Variants in PPP4R2 observed in about 807,000 individuals in gnomAD.
PPP4R2 encodes the protein serine/threonine-protein phosphatase 4 regulatory subunit 2.
Under a neutral mutation model 47.2 loss-of-function variants are expected in PPP4R2, and 13 were observed. The observed-to-expected ratio is 0.28, with a 90% confidence interval of 0.18 to 0.44. PPP4R2 has a LOEUF of 0.44. PPP4R2 is among the 20% of genes least tolerant of loss of function. The pLI is 1.00. For synonymous variants in PPP4R2, 151 were observed against 163.3 expected (o/e 0.92, Z 0.57); for missense variants, 421 against 491.2 (o/e 0.86, Z 1.35).
chr3:73,050,500 G>A (rs1702588898), intron 3 of PPP4R2, among the ~76,000 whole-genome samples: 1 of 151,816 alleles, frequency 6.6e-6, no homozygotes, highest in Admixed American at 6.6e-5. Context: ...GTAACATTTT[G>A]TTGGTTTTCC....
Position 73,066,348 on chromosome 3 carries a change from C to T in PPP4R2, c.*626C>T, listed in dbSNP as rs1702997421. ...TTTTTCTATTGGTAATGATTGAGTT[C>T]ACCTCTTTCAGAAGACATTTTCTTT... is the stretch of plus-strand genomic sequence containing the variant. On this transcript the variant is annotated 3_prime_UTR_variant, in exon 9 of 9. Transcript: ENST00000356692. 6.6e-6 allele frequency: 1 copy of T among 150,720 alleles called. No individual in the cohort carries two copies. Among genetic ancestry groups the T allele is most frequent in the South Asian group, 2.1e-4 (1 of 4,794 alleles). The allele number at this position is 150,720 out of a possible 1,614,324, so 9.3% of individuals were successfully genotyped here. A position where few individuals can be genotyped will look rare whatever the true frequency, so the allele number is the denominator to read the frequency against.
intron 2 of PPP4R2, among the ~76,000 whole-genome samples, chr3:73,041,017 A>G (rs369739366): frequency 6.6e-6 from 1 of 151,710 alleles, no homozygotes; most frequent in Non-Finnish European, 1.5e-5. Flanking sequence ...TTATGGATAC[A>G]TACTTCTATG....
At chr3:73,002,523 A>G (rs4677222) in intron 2 of PPP4R2, among the ~76,000 whole-genome samples, 80,072 of 151,588 alleles carry the variant, frequency 0.53, 21,545 homozygotes, top group African/African-American at 0.62. Context: ...AAGATTACAA[A>G]GCATGAGCCA....
Position 73,017,159 on chromosome 3 carries a change from A to G in PPP4R2, c.116+19001A>G, listed in dbSNP as rs146783002. ...TGGTCCCAAGCTCTGGGCACAAGCT[A>G]TTTACCACCTCAGCCTCACAAAGTG... On this transcript the variant is annotated intron_variant, in intron 2 of 8. Coordinates refer to ENST00000356692, the MANE Select transcript of PPP4R2 (RefSeq NM_174907.4). Among the ~76,000 whole-genome samples the G allele has an allele frequency of 5.9e-4, 89 of 152,078 alleles. 2 individuals carry two copies. The East Asian group carries it at 0.017, about 29-fold the overall frequency.
At chr3:73,021,889 C>CGTAT (rs1701967743) in intron 2 of PPP4R2, among the ~76,000 whole-genome samples, 1 of 38,744 alleles carries the variant, frequency 2.6e-5, no homozygotes, top group South Asian at 1.3e-3. Flanking sequence ...TGTATATATG[C>CGTAT]ATATATATAT....
At chr3:73,028,938 C>G (rs1240553470) in intron 2 of PPP4R2, among the ~76,000 whole-genome samples, 1 of 152,052 alleles carries the variant, frequency 6.6e-6, no homozygotes, top group Non-Finnish European at 1.5e-5. Flanking sequence ...AAATCCAGAG[C>G]CGTCGCAGTT....
chr3:73,032,083 C>G (rs1022913865), intron 2 of PPP4R2, among the ~76,000 whole-genome samples: 1 of 152,112 alleles, frequency 6.6e-6, no homozygotes, highest in African/African-American at 2.4e-5. Flanking sequence ...CCACCTGACT[C>G]TTTTTAAATT....
Position 73,021,898 on chromosome 3 carries a change from A to ATT in PPP4R2, c.116+23741_116+23742insTT, listed in dbSNP as rs1331195723. Among the ~76,000 whole-genome samples the ATT allele has an allele frequency of 1.7e-4, 19 of 110,842 alleles. 2 individuals are homozygous for ATT. The highest frequency in any genetic ancestry group is 2.8e-4 in the Admixed American group (3 of 10,672). The allele number at this position is 110,842 out of a possible 152,430, so 72.7% of individuals were successfully genotyped here. ...TGTGTGTGTATATATGCATATATATATATTTTTTTTTTTTTTTTGAAACAA... is the reference window on the plus strand; with the variant it reads ...TGTGTGTGTATATATGCATATATATATTTATTTTTTTTTTTTTTTTGAAACAA... On this transcript the variant is annotated intron_variant, in intron 2 of 8. Coordinates refer to ENST00000356692, the MANE Select transcript of PPP4R2 (RefSeq NM_174907.4).
At position 73,053,282 on chromosome 3, in the gene PPP4R2, C is replaced by G. The variant is rs1359487284; in HGVS notation, c.288-5755C>G. ...CCTACTTACTTGTTTTTTCTTTATC[C>G]CCTTTCTTTCTCTTAGAATAATTAC... is the stretch of plus-strand genomic sequence containing the variant. On this transcript the variant is annotated intron_variant, in intron 3 of 8. Transcript: ENST00000356692. Among the ~76,000 whole-genome samples, 4 of 150,112 alleles carry G rather than the reference C, an allele frequency of 2.7e-5. No homozygotes were observed. The East Asian group carries it at 8.1e-4, about 31-fold the overall frequency.
Position 73,065,759 on chromosome 3 carries a change from A to G in PPP4R2, c.*37A>G. The G allele has an allele frequency of 1.4e-6, 2 of 1,437,514 alleles. No homozygotes were observed. Among genetic ancestry groups the G allele is most frequent in the Non-Finnish European group, 1.9e-6 (2 of 1,058,210 alleles). The allele number at this position is 1,437,514 out of a possible 1,614,324, so 89.0% of individuals were successfully genotyped here. A position where few individuals can be genotyped will look rare whatever the true frequency, so the allele number is the denominator to read the frequency against. On this transcript the variant is annotated 3_prime_UTR_variant, in exon 9 of 9. Transcript: ENST00000356692. ...CATTTAGATGCAGTATTTTACATAC[A>G]GTTCTGGTTTTAACACTGTATAAAA...
chr3:73,032,095 A>AT (rs1303377973), intron 2 of PPP4R2, among the ~76,000 whole-genome samples: 2 of 151,904 alleles, frequency 1.3e-5, no homozygotes, highest in African/African-American at 4.8e-5. Context: ...TTTTAAATTG[A>AT]TTTTTTTTAT....
chr3:73,047,086 T>G (rs1702501409), intron 2 of PPP4R2, 100 bp from the exon 3 acceptor site: 2 of 641,860 alleles, frequency 3.1e-6, no homozygotes, highest in African/African-American at 1.9e-5. Context: ...CATCTTAATT[T>G]TGTTAGTATT....
Position 73,068,991 on chromosome 3 carries a change from T to G in PPP4R2, c.*3269T>G, listed in dbSNP as rs1703057844. 1 of 152,190 alleles carries G rather than the reference T, an allele frequency of 6.6e-6. No homozygotes were observed. The highest frequency in any genetic ancestry group is 1.5e-5 in the Non-Finnish European group (1 of 68,032). 9.4% of individuals were successfully genotyped at this position (152,190 alleles called of 1,614,324 possible). A position where few individuals can be genotyped will look rare whatever the true frequency, so the allele number is the denominator to read the frequency against. Reference sequence around the variant, plus strand: ...ATAAAATGAATGAATGCAAAACACCTTGTAATTTCATATGGAATTATAAAA... The same window carrying G: ...ATAAAATGAATGAATGCAAAACACCGTGTAATTTCATATGGAATTATAAAA... On this transcript the variant is annotated 3_prime_UTR_variant, in exon 9 of 9. Transcript: ENST00000356692.
intron 2 of PPP4R2, among the ~76,000 whole-genome samples, chr3:73,020,937 C>T (rs1457823175): frequency 6.6e-6 from 1 of 152,032 alleles, no homozygotes; most frequent in Non-Finnish European, 1.5e-5. Flanking sequence ...AAGGCTTGGG[C>T]TCCAAGTACT....
chr3:73,029,374 A>G (rs890848037), intron 2 of PPP4R2, among the ~76,000 whole-genome samples: 2 of 152,244 alleles, frequency 1.3e-5, no homozygotes, highest in Non-Finnish European at 2.9e-5. Flanking sequence ...AATCAGGCTA[A>G]GAGATGTTTG....
intron 3 of PPP4R2, among the ~76,000 whole-genome samples, chr3:73,048,558 C>T (rs1319864389): frequency 6.6e-6 from 1 of 152,138 alleles, no homozygotes; most frequent in Non-Finnish European, 1.5e-5. Flanking sequence ...CCAGCCAGGA[C>T]TTTGTATTTT....
chr3:73,031,629 G>A (rs1702165228), intron 2 of PPP4R2, among the ~76,000 whole-genome samples: 1 of 152,052 alleles, frequency 6.6e-6, no homozygotes. Flanking sequence ...AACGTTGGGT[G>A]GAGACTTTAT....
intron 2 of PPP4R2, among the ~76,000 whole-genome samples, chr3:73,025,010 T>G (rs1339010051): frequency 6.6e-6 from 1 of 152,134 alleles, no homozygotes; most frequent in Non-Finnish European, 1.5e-5. Context: ...AAGGACTGAG[T>G]TCCAGTCTTG....
At chr3:73,033,096 T>C (rs1471253486) in intron 2 of PPP4R2, among the ~76,000 whole-genome samples, 1 of 152,226 alleles carries the variant, frequency 6.6e-6, no homozygotes, top group Non-Finnish European at 1.5e-5. Context: ...CTAGATACCA[T>C]ATCATGCTCT....
Sources: gnomAD v4.1 joint callset for allele counts (sites outside exome capture counted in the v4.1 genomes callset) on GRCh38, gnomAD v4.1.1 for gene constraint, MANE v1.5 for transcripts, NCBI Gene and HGNC (gene_info 2026-07-23, HGNC 2026-07-21) for gene names.